WASHC3: variants seen among roughly 807,000 people sequenced by gnomAD.
WASHC3 encodes WASH complex subunit 3, also known as WASH complex subunit CCDC53.
WASHC3 carries 24 observed loss-of-function variants against 26.1 expected under a neutral mutation model. The ratio of observed to expected loss-of-function variants is 0.92; its 90% CI spans 0.66 to 1.29. The LOEUF (loss-of-function observed/expected upper bound fraction) is 1.29, where lower values mean the gene tolerates loss of function less well. Ranked by LOEUF, WASHC3 falls within the 50% of genes most tolerant of loss-of-function variation. WASHC3 has a pLI of 0.00. For missense variants in WASHC3, 214 were observed against 229.6 expected, an observed-to-expected ratio of 0.93 and a Z score of 0.44; for synonymous variants, 77 against 75.7, an observed-to-expected ratio of 1.02 and a Z score of -0.09.
At chr12:102,026,789 T>C (rs1877210876) in intron 5 of WASHC3, among the ~76,000 whole-genome samples, 1 of 152,180 alleles carries the variant, frequency 6.6e-6, no homozygotes, top group South Asian at 2.1e-4. Context: ...TGTAATCAAA[T>C]CTCTGTCAAC....
intron 6 of WASHC3, among the ~76,000 whole-genome samples, chr12:102,019,883 A>G (rs1253933796): frequency 6.6e-6 from 1 of 152,212 alleles, no homozygotes; most frequent in African/African-American, 2.4e-5. Context: ...TGCCCTTTTT[A>G]GCATACCAGA....
At chr12:102,026,068 A>T in intron 5 of WASHC3, 30 bp from the exon 6 acceptor site, 1 of 1,274,846 alleles carries the variant, frequency 7.8e-7, no homozygotes, top group Non-Finnish European at 1.1e-6. Flanking sequence ...TAATTTCATC[A>T]TTAAAAATGT....
At chr12:102,033,936 T>A (rs528832488) in intron 5 of WASHC3, among the ~76,000 whole-genome samples, 26 of 152,232 alleles carry the variant, frequency 1.7e-4, no homozygotes, top group African/African-American at 6.3e-4. Context: ...GGTCTTTCTC[T>A]GCATTAAGAA....
intron 6 of WASHC3, among the ~76,000 whole-genome samples, chr12:102,016,859 G>A (rs1388566122): frequency 3.9e-5 from 6 of 152,122 alleles, no homozygotes; most frequent in Admixed American, 6.5e-5. Flanking sequence ...TTACAAAATA[G>A]TTAAAAAGGT....
At chr12:102,022,627 C>A (rs1162459961) in intron 6 of WASHC3, among the ~76,000 whole-genome samples, 1 of 152,158 alleles carries the variant, frequency 6.6e-6, no homozygotes, top group Non-Finnish European at 1.5e-5. Context: ...TTATCCTGAG[C>A]CTTAACTATC....
At chr12:102,016,807 A>G (rs1876725409) in intron 6 of WASHC3, among the ~76,000 whole-genome samples, 2 of 152,246 alleles carry the variant, frequency 1.3e-5, no homozygotes, top group Admixed American at 1.3e-4. Context: ...ATATTTTTGT[A>G]TAGCTGTAAA....
chr12:102,029,371 A>G (rs1877335471), intron 5 of WASHC3, among the ~76,000 whole-genome samples: 1 of 152,222 alleles, frequency 6.6e-6, no homozygotes, highest in Admixed American at 6.5e-5. Flanking sequence ...GAAGGCAGCC[A>G]TAAGTCTGAT....
intron 5 of WASHC3, among the ~76,000 whole-genome samples, chr12:102,037,419 C>T (rs938970018): frequency 6.6e-6 from 1 of 152,100 alleles, no homozygotes; most frequent in African/African-American, 2.4e-5. Context: ...TAGGAGGACA[C>T]TGCAATTTAA....
At chr12:102,014,476 C>T (rs141948388) in intron 6 of WASHC3, among the ~76,000 whole-genome samples, 28 of 152,252 alleles carry the variant, frequency 1.8e-4, no homozygotes, top group African/African-American at 6.5e-4. Flanking sequence ...ATATTCACCA[C>T]AAACAGAAAT....
chr12:102,038,659 A>T (rs1321942924), intron 5 of WASHC3, among the ~76,000 whole-genome samples: 2 of 152,124 alleles, frequency 1.3e-5, no homozygotes, highest in African/African-American at 4.8e-5. Context: ...CTTGTTAATT[A>T]AAAAAACTTC....
At chr12:102,058,263 C>T (rs1270590531) in intron 2 of WASHC3, among the ~76,000 whole-genome samples, 2 of 152,070 alleles carry the variant, frequency 1.3e-5, no homozygotes, top group Middle Eastern at 3.4e-3. Flanking sequence ...AAATTTAACA[C>T]GAAAAGGATT....
chr12:102,045,921 C>A, intron 3 of WASHC3, 133 bp downstream of exon 3: 1 of 569,980 alleles, frequency 1.8e-6, no homozygotes, highest in Non-Finnish European at 3.2e-6. Context: ...AAATTAAAAA[C>A]ACAACCAGTA....
At chr12:102,044,759 A>G (rs951719476) in intron 3 of WASHC3, among the ~76,000 whole-genome samples, 7 of 152,192 alleles carry the variant, frequency 4.6e-5, no homozygotes, top group Non-Finnish European at 7.3e-5. Context: ...ACTGAATGTT[A>G]TTAAAATATG....
chr12:102,048,957 A>G (rs1878278365), intron 2 of WASHC3, among the ~76,000 whole-genome samples: 1 of 152,210 alleles, frequency 6.6e-6, no homozygotes, highest in African/African-American at 2.4e-5. Context: ...TTGGTATAAC[A>G]TACCTGAATG....
chr12:102,062,061 C>T, upstream of WASHC3: 2 of 1,056,428 alleles, frequency 1.9e-6, no homozygotes, highest in South Asian at 2.9e-5. Flanking sequence ...CCCCAAGTGC[C>T]CGCCTCCGGG....
intron 5 of WASHC3, among the ~76,000 whole-genome samples, chr12:102,032,310 A>G (rs1877469881): frequency 6.6e-6 from 1 of 152,164 alleles, no homozygotes; most frequent in African/African-American, 2.4e-5. Flanking sequence ...ATATGGTTTC[A>G]AAAAATACAA....
intron 2 of WASHC3, chr12:102,050,491 C>CACACACACACACAA (rs776078017): frequency 7.3e-6 from 3 of 412,100 alleles, no homozygotes; most frequent in Non-Finnish European, 1.4e-5. Context: ...CACACACACA[C>CACACACACACACAA]AATTAGCCGG....
Position 102,012,892 on chromosome 12 carries a change from G to A in WASHC3, c.*216C>T. On this transcript the variant is annotated 3_prime_UTR_variant, in exon 7 of 7. Coordinates refer to ENST00000240079, the MANE Select transcript of WASHC3 (RefSeq NM_016053.4). ...GTAGCACTAATTGTACTTTATTTAGGTTATCCTATTTTTCATTTTGAGGCC... is the reference window on the plus strand; with the variant it reads ...GTAGCACTAATTGTACTTTATTTAGATTATCCTATTTTTCATTTTGAGGCC... The A allele has an allele frequency of 2.4e-6, 1 of 410,856 alleles. No homozygotes were observed. Among genetic ancestry groups the A allele is most frequent in the Non-Finnish European group, 4.3e-6 (1 of 232,262 alleles). The allele number at this position is 410,856 out of a possible 1,614,324, so 25.5% of individuals were successfully genotyped here.
chr12:102,050,325 A>G (rs1307586824), intron 2 of WASHC3: 1 of 451,324 alleles, frequency 2.2e-6, no homozygotes. Context: ...GTTTGAATTA[A>G]AATAACATTC....
Sources: gnomAD v4.1 joint callset for allele counts (sites outside exome capture counted in the v4.1 genomes callset) on GRCh38, gnomAD v4.1.1 for gene constraint, MANE v1.5 for transcripts, NCBI Gene and HGNC (gene_info 2026-07-23, HGNC 2026-07-21) for gene names.